SYBU: variants seen among roughly 807,000 people sequenced by gnomAD.
The protein encoded by SYBU is GOLSYN A protein.
Under a neutral mutation model 35.9 loss-of-function variants are expected in SYBU, and 21 were observed. That is an observed-to-expected ratio of 0.58 (90% confidence interval 0.41 to 0.84). The LOEUF (loss-of-function observed/expected upper bound fraction) is 0.84, where lower values mean the gene tolerates loss of function less well. Among genes scored for constraint, SYBU ranks in the 40% least tolerant of loss-of-function variants. The probability of loss-of-function intolerance (pLI) is 0.00; values close to 1 mark genes in which losing one functional copy is unlikely to be tolerated. For synonymous variants in SYBU, 319 were observed against 324.3 expected (o/e 0.98, Z 0.18); for missense variants, 768 against 848.2 (o/e 0.91, Z 1.17).
At chr8:109,676,315 G>C (rs902817139) in intron 1 of SYBU, among the ~76,000 whole-genome samples, 6 of 152,170 alleles carry the variant, frequency 3.9e-5, no homozygotes, top group South Asian at 2.1e-4. Context: ...AGAAATAAAG[G>C]GTATTCAAAT....
At chr8:109,586,316 A>C in intron 3 of SYBU, 154 bp from the exon 4 acceptor site, 1 of 605,954 alleles carries the variant, frequency 1.7e-6, no homozygotes, top group East Asian at 2.8e-5. Context: ...CATTTTCCTC[A>C]AAGCAGTCAA....
intron 2 of SYBU, among the ~76,000 whole-genome samples, chr8:109,619,913 T>C (rs1281995713): frequency 6.6e-6 from 1 of 152,182 alleles, no homozygotes; most frequent in Non-Finnish European, 1.5e-5. Flanking sequence ...TGGAGTAAAC[T>C]GGTAAGATGA....
intron 3 of SYBU, among the ~76,000 whole-genome samples, chr8:109,595,677 A>C (rs554120001): frequency 1.3e-5 from 2 of 152,356 alleles, no homozygotes; most frequent in South Asian, 4.1e-4. Context: ...CATTTACAAC[A>C]ATTCAGGACT....
At chr8:109,687,025 C>CA (rs1037220222) in intron 1 of SYBU, among the ~76,000 whole-genome samples, 5 of 151,890 alleles carry the variant, frequency 3.3e-5, no homozygotes, top group Admixed American at 2.0e-4. Flanking sequence ...ACTATTAATG[C>CA]AAAAAACGGA....
intron 3 of SYBU, among the ~76,000 whole-genome samples, chr8:109,598,625 G>T (rs1361053686): frequency 6.6e-6 from 1 of 152,192 alleles, no homozygotes; most frequent in Non-Finnish European, 1.5e-5. Context: ...TGTTTGGTAT[G>T]TGTGCTGCTA....
chr8:109,629,993 T>C (rs1232245335), intron 2 of SYBU, among the ~76,000 whole-genome samples: 1 of 152,086 alleles, frequency 6.6e-6, no homozygotes. Context: ...GATGGGGTTG[T>C]TTGTTTTTTT....
intron 2 of SYBU, among the ~76,000 whole-genome samples, chr8:109,623,050 A>T (rs916596675): frequency 6.9e-6 from 1 of 145,006 alleles, no homozygotes; most frequent in Non-Finnish European, 1.5e-5. Flanking sequence ...CACACACACA[A>T]ACGCACACCC....
At chr8:109,683,813 C>T (rs1817458977), upstream of SYBU, among the ~76,000 whole-genome samples, 1 of 152,122 alleles carries the variant, frequency 6.6e-6, no homozygotes, top group African/African-American at 2.4e-5. Flanking sequence ...GAGCAGTTAC[C>T]TCCATACTGT....
At chr8:109,624,037 C>A (rs554568760) in intron 2 of SYBU, among the ~76,000 whole-genome samples, 2 of 152,096 alleles carry the variant, frequency 1.3e-5, no homozygotes, top group South Asian at 4.2e-4. Flanking sequence ...ACTTGCTAGG[C>A]TAGAAAGAAA....
chr8:109,616,472 T>C (rs1586840202), intron 3 of SYBU, among the ~76,000 whole-genome samples: 1 of 152,276 alleles, frequency 6.6e-6, no homozygotes, highest in South Asian at 2.1e-4. Flanking sequence ...AACATATAAT[T>C]ATTATGATTA....
At chr8:109,588,233 C>G (rs1028938795) in intron 3 of SYBU, among the ~76,000 whole-genome samples, 3 of 152,228 alleles carry the variant, frequency 2.0e-5, no homozygotes, top group Non-Finnish European at 2.9e-5. Context: ...TGCCTAAAAG[C>G]AGAAATTCTA....
intron 2 of SYBU, among the ~76,000 whole-genome samples, chr8:109,619,598 A>C (rs1812207789): frequency 6.6e-6 from 1 of 152,216 alleles, no homozygotes; most frequent in South Asian, 2.1e-4. Flanking sequence ...TGTCTGTTTC[A>C]ACACTTTATA....
At chr8:109,621,347 G>A (rs780649447) in intron 2 of SYBU, among the ~76,000 whole-genome samples, 2 of 152,194 alleles carry the variant, frequency 1.3e-5, no homozygotes, top group African/African-American at 2.4e-5. Context: ...GTGTGTAAGA[G>A]GCAGTAGCAA....
intron 1 of SYBU, chr8:109,643,174 T>A: frequency 9.0e-7 from 1 of 1,113,368 alleles, no homozygotes; most frequent in Non-Finnish European, 1.1e-6. Flanking sequence ...CACACACACA[T>A]ATACACACCT....
intron 4 of SYBU, among the ~76,000 whole-genome samples, chr8:109,585,176 T>C (rs190093244): frequency 1.3e-5 from 2 of 152,350 alleles, no homozygotes; most frequent in Admixed American, 1.3e-4. Context: ...TAAATACTTG[T>C]TAAATGAATA....
At chr8:109,582,209 TCA>T (rs1823113250) in intron 4 of SYBU, among the ~76,000 whole-genome samples, 1 of 152,228 alleles carries the variant, frequency 6.6e-6, no homozygotes, top group Non-Finnish European at 1.5e-5. Flanking sequence ...TGGCGCTGTT[TCA>T]GGTGCTTTCT....
At chr8:109,637,622 G>A (rs1814373588) in intron 2 of SYBU, among the ~76,000 whole-genome samples, 1 of 152,094 alleles carries the variant, frequency 6.6e-6, no homozygotes, top group South Asian at 2.1e-4. Flanking sequence ...TCATTCAACT[G>A]TAGTATAATT....
At chr8:109,645,710 GCTCACTGCAACCT>G (rs1245869963), upstream of SYBU, 2 of 221,540 alleles carry the variant, frequency 9.0e-6, no homozygotes, top group Non-Finnish European at 1.8e-5. Context: ...CGCGATCAGG[GCTCACTGCAACCT>G]CTAACTCCTG....
At chr8:109,666,560 G>A (rs1816760511) in intron 1 of SYBU, among the ~76,000 whole-genome samples, 1 of 152,134 alleles carries the variant, frequency 6.6e-6, no homozygotes, top group South Asian at 2.1e-4. Flanking sequence ...GGCTAACATG[G>A]TGAAACCCTG....
Sources: gnomAD v4.1 joint callset for allele counts (sites outside exome capture counted in the v4.1 genomes callset) on GRCh38, gnomAD v4.1.1 for gene constraint, MANE v1.5 for transcripts, NCBI Gene and HGNC (gene_info 2026-07-23, HGNC 2026-07-21) for gene names.